MEIKIN: variants seen among roughly 807,000 people sequenced by gnomAD.
MEIKIN encodes meiosis-specific kinetochore protein.
chr5:131,816,483 T>C (rs1268908272), intron 12 of MEIKIN, among the ~76,000 whole-genome samples: 1 of 152,228 alleles, frequency 6.6e-6, no homozygotes, highest in Admixed American at 6.5e-5. Context: ...GTAGACTGCA[T>C]CATTGGCTCC....
At position 131,827,572 on chromosome 5, in the gene MEIKIN, A is replaced by G. The variant is rs533098829; in HGVS notation, c.976-8709T>C. On this transcript the variant is annotated intron_variant, in intron 11 of 12. Coordinates refer to ENST00000442687, the MANE Select transcript of MEIKIN (RefSeq NM_001303622.2). The stretch of plus-strand genomic sequence containing the variant: ...ATATGTAAAGAAAAGTGGGATAACT[A>G]TATAGCAGACAAAACAGAATTCAAG... 4.0e-4 allele frequency among the ~76,000 whole-genome samples: 61 copies of G among 152,342 alleles called. No homozygotes were observed. The South Asian group carries it at 0.013, about 32-fold the overall frequency.
At chr5:131,904,556 AG>A (rs1751213408) in intron 8 of MEIKIN, among the ~76,000 whole-genome samples, 6 of 152,306 alleles carry the variant, frequency 3.9e-5, no homozygotes, top group African/African-American at 1.4e-4. Flanking sequence ...TCCCACCAAT[AG>A]TGTAAAAGTA....
At chr5:131,885,286 G>A (rs1750761747) in intron 8 of MEIKIN, among the ~76,000 whole-genome samples, 1 of 150,634 alleles carries the variant, frequency 6.6e-6, no homozygotes, top group Non-Finnish European at 1.5e-5. Context: ...GGGAATTGGA[G>A]GCCACAGAGG....
At chr5:131,863,677 A>G (rs1237669495) in intron 9 of MEIKIN, among the ~76,000 whole-genome samples, 1 of 145,552 alleles carries the variant, frequency 6.9e-6, no homozygotes, top group Admixed American at 7.2e-5. Flanking sequence ...TCTATTTGAT[A>G]TAGTTTGGCT....
chr5:131,847,637 G>C (rs1750042158), intron 11 of MEIKIN, among the ~76,000 whole-genome samples: 1 of 151,884 alleles, frequency 6.6e-6, no homozygotes, highest in African/African-American at 2.4e-5. Context: ...AGAATAACCA[G>C]GCAGAAGAGA....
chr5:131,911,073 G>T (rs985746750), intron 8 of MEIKIN, among the ~76,000 whole-genome samples: 1 of 152,116 alleles, frequency 6.6e-6, no homozygotes, highest in Non-Finnish European at 1.5e-5. Flanking sequence ...AGAAGGTATT[G>T]CTCCTTCCAA....
intron 8 of MEIKIN, among the ~76,000 whole-genome samples, chr5:131,890,682 G>A (rs1005481457): frequency 2.0e-5 from 3 of 152,052 alleles, no homozygotes; most frequent in Non-Finnish European, 2.9e-5. Flanking sequence ...TGGATTCATT[G>A]ATTTTTTGAA....
intron 10 of MEIKIN, among the ~76,000 whole-genome samples, chr5:131,852,766 C>G (rs566580854): frequency 1.3e-5 from 2 of 152,016 alleles, no homozygotes; most frequent in South Asian, 4.2e-4. Context: ...TGCTAAAAAC[C>G]ACTGAATTAT....
At chr5:131,916,573 C>T (rs905242289) in intron 7 of MEIKIN, among the ~76,000 whole-genome samples, 39 of 152,234 alleles carry the variant, frequency 2.6e-4, no homozygotes, top group African/African-American at 9.4e-4. Context: ...ATCCAATTTC[C>T]TAAGTCAGAG....
At chr5:131,833,912 T>C (rs1749756290) in intron 11 of MEIKIN, among the ~76,000 whole-genome samples, 1 of 152,230 alleles carries the variant, frequency 6.6e-6, no homozygotes, top group Admixed American at 6.5e-5. Flanking sequence ...CTTTCCTTTG[T>C]TTCTACACAG....
At chr5:131,929,052 G>T (rs1040349795) in intron 5 of MEIKIN, among the ~76,000 whole-genome samples, 1 of 152,076 alleles carries the variant, frequency 6.6e-6, no homozygotes, top group African/African-American at 2.4e-5. Flanking sequence ...CTCCATTTTT[G>T]AAAGACAGTT....
chr5:131,856,289 C>T (rs1265448776), intron 9 of MEIKIN, among the ~76,000 whole-genome samples: 1 of 152,144 alleles, frequency 6.6e-6, no homozygotes, highest in Admixed American at 6.5e-5. Flanking sequence ...AGGAGCTACT[C>T]AATGATAACT....
intron 6 of MEIKIN, among the ~76,000 whole-genome samples, chr5:131,917,877 G>A (rs1230841080): frequency 2.0e-5 from 3 of 152,124 alleles, no homozygotes; most frequent in Admixed American, 1.3e-4. Context: ...AACATAAAAG[G>A]CTACAGTGGA....
chr5:131,942,541 C>T (rs1388353589), intron 4 of MEIKIN, 94 bp downstream of exon 4: 1 of 393,578 alleles, frequency 2.5e-6, no homozygotes, highest in African/African-American at 2.1e-5. Context: ...GATACCTCTT[C>T]CACTGAGATA....
At chr5:131,822,723 T>C (rs1304689356) in intron 11 of MEIKIN, among the ~76,000 whole-genome samples, 1 of 152,232 alleles carries the variant, frequency 6.6e-6, no homozygotes, top group African/African-American at 2.4e-5. Context: ...CACACTGTGA[T>C]AACAATGTTA....
chr5:131,830,177 C>G (rs564516072), intron 11 of MEIKIN, among the ~76,000 whole-genome samples: 1 of 152,018 alleles, frequency 6.6e-6, no homozygotes, highest in Non-Finnish European at 1.5e-5. Flanking sequence ...ATCGCTTGAT[C>G]GCAAGAGTTT....
chr5:131,940,386 T>C (rs1309976987), intron 4 of MEIKIN, among the ~76,000 whole-genome samples: 1 of 152,214 alleles, frequency 6.6e-6, no homozygotes, highest in Non-Finnish European at 1.5e-5. Flanking sequence ...CTCGGTTAAG[T>C]TTTAATTTGA....
chr5:131,818,834 A>C lies in MEIKIN; in HGVS notation c.1005T>G (p.Cys335Trp), dbSNP rs1228197355. Residue 335 changes from cysteine (C) to tryptophan (W), a missense_variant, in exon 12 of 13, where the codon TGT (cysteine) becomes TGG (tryptophan). Coordinates refer to ENST00000442687, the MANE Select transcript of MEIKIN (RefSeq NM_001303622.2). ...EFPANASEIC[C>W]IIRTSPGTRQ... Reference sequence around the variant, plus strand: ...TAGTTCCTGGTGATGTTCTAATAATACAACATATTTCTGATGCATTTGCAG... The same window carrying C: ...TAGTTCCTGGTGATGTTCTAATAATCCAACATATTTCTGATGCATTTGCAG... The C allele has an allele frequency of 5.0e-6, 2 of 398,122 alleles. No homozygotes were observed. Among genetic ancestry groups the C allele is most frequent in the Non-Finnish European group, 8.9e-6 (2 of 225,800 alleles). 24.7% of individuals were successfully genotyped at this position (398,122 alleles called of 1,614,324 possible).
At chr5:131,864,939 G>A (rs1466401863) in intron 9 of MEIKIN, among the ~76,000 whole-genome samples, 1 of 152,004 alleles carries the variant, frequency 6.6e-6, no homozygotes, top group Non-Finnish European at 1.5e-5. Flanking sequence ...TGCCTAACTG[G>A]GTTATGTCAA....
Sources: gnomAD v4.1 joint callset for allele counts (sites outside exome capture counted in the v4.1 genomes callset) on GRCh38, gnomAD v4.1.1 for gene constraint, MANE v1.5 for transcripts, NCBI Gene and HGNC (gene_info 2026-07-23, HGNC 2026-07-21) for gene names.